The following NTM variants were observed in gnomAD, a reference collection of about 807,000 sequenced individuals.
The protein encoded by NTM is neurotrimin, also known as IgLON family member 2.
NTM carries 13 observed loss-of-function variants against 42.1 expected under a neutral mutation model. That is an observed-to-expected ratio of 0.31 (90% CI 0.20 to 0.49). The LOEUF is 0.49. NTM is among the 20% of genes least tolerant of loss of function. The pLI is 0.99. For missense variants in NTM, 373 were observed against 452.8 expected, an observed-to-expected ratio of 0.82 and a Z score of 1.60; for synonymous variants, 187 against 179.2, an observed-to-expected ratio of 1.04 and a Z score of -0.35.
intron 1 of NTM, chr11:131,582,511 C>A (rs1319413682): frequency 1.3e-5 from 2 of 151,746 alleles, no homozygotes; most frequent in Non-Finnish European, 2.9e-5. Context: ...CATTTTAAAT[C>A]CAAGACTTAC....
chr11:132,019,617 T>TA (rs1047046133), intron 2 of NTM, among the ~76,000 whole-genome samples: 13 of 151,976 alleles, frequency 8.6e-5, no homozygotes, highest in Admixed American at 6.6e-4. Flanking sequence ...TTTCTGGTAT[T>TA]AAAAAAATTT....
At position 131,703,819 on chromosome 11, in the gene NTM, G is replaced by A. The variant is rs114236490; in HGVS notation, c.83-207745G>A. 9.6e-3 allele frequency among the ~76,000 whole-genome samples: 1,458 copies of A among 152,254 alleles called. 23 individuals carry two copies. Among genetic ancestry groups the A allele is most frequent in the African/African-American group, 0.029 (1,216 of 41,538 alleles). ...GAAGAGAGCGAAGTGAGTAGCATAC[G>A]TTGCTGCAGACCCAACACCAGGACA... is the stretch of plus-strand genomic sequence containing the variant. On this transcript the variant is annotated intron_variant, in intron 1 of 8. Transcript: ENST00000683400.
At chr11:132,044,607 T>C (rs898698775) in intron 2 of NTM, among the ~76,000 whole-genome samples, 3 of 152,042 alleles carry the variant, frequency 2.0e-5, no homozygotes, top group Admixed American at 6.6e-5. Context: ...AGCTGCCCCA[T>C]TGCTATCATG....
intron 1 of NTM, among the ~76,000 whole-genome samples, chr11:131,609,203 G>A (rs1592213890): frequency 6.6e-6 from 1 of 152,322 alleles, no homozygotes; most frequent in East Asian, 1.9e-4. Context: ...CTGACTGCCA[G>A]GGTTCCTTTC....
At chr11:131,636,658 C>A (rs1369237077) in intron 1 of NTM, among the ~76,000 whole-genome samples, 1 of 152,206 alleles carries the variant, frequency 6.6e-6, no homozygotes, top group Non-Finnish European at 1.5e-5. Context: ...TGCTCCAGAG[C>A]CCACGGAAGG....
At chr11:132,134,732 T>TCTC (rs2067492269) in intron 2 of NTM, among the ~76,000 whole-genome samples, 1 of 74,448 alleles carries the variant, frequency 1.3e-5, no homozygotes. Flanking sequence ...TATATATATA[T>TCTC]ATATATATAT....
chr11:131,938,011 A>G (rs1414051266), intron 2 of NTM, among the ~76,000 whole-genome samples: 1 of 152,154 alleles, frequency 6.6e-6, no homozygotes, highest in Admixed American at 6.5e-5. Context: ...TAATTTAACT[A>G]TTACCCATCA....
intron 7 of NTM, among the ~76,000 whole-genome samples, chr11:132,325,094 C>G (rs1192046904): frequency 1.3e-5 from 2 of 152,172 alleles, no homozygotes; most frequent in Admixed American, 6.5e-5. Context: ...CATTACCATT[C>G]AGGACATAGG....
chr11:131,490,481 T>C (rs1954660544), intron 1 of NTM, among the ~76,000 whole-genome samples: 1 of 152,234 alleles, frequency 6.6e-6, no homozygotes, highest in Non-Finnish European at 1.5e-5. Context: ...TCAGCAGGGT[T>C]GACCCAATGC....
chr11:131,604,723 G>T (rs1381335419), intron 1 of NTM, among the ~76,000 whole-genome samples: 5 of 137,882 alleles, frequency 3.6e-5, no homozygotes, highest in Admixed American at 7.6e-5. Context: ...TCCTTTTTTT[G>T]GGGGGAGGGG....
intron 1 of NTM, among the ~76,000 whole-genome samples, chr11:131,623,455 C>A (rs1486552370): frequency 6.6e-6 from 1 of 152,220 alleles, no homozygotes; most frequent in East Asian, 1.9e-4. Flanking sequence ...GCCATGCTGT[C>A]CACCGAATTC....
chr11:132,000,863 A>G (rs574243291), intron 2 of NTM, among the ~76,000 whole-genome samples: 2 of 152,232 alleles, frequency 1.3e-5, no homozygotes, highest in South Asian at 4.1e-4. Flanking sequence ...ATCAGGAGGA[A>G]GTAAGGGTAA....
intron 1 of NTM, among the ~76,000 whole-genome samples, chr11:131,871,347 T>A (rs972167760): frequency 6.6e-6 from 1 of 152,212 alleles, no homozygotes; most frequent in South Asian, 2.1e-4. Context: ...TTCATATATA[T>A]TTTAACATCA....
chr11:131,566,918 C>T (rs1341054553), intron 1 of NTM, among the ~76,000 whole-genome samples: 1 of 152,056 alleles, frequency 6.6e-6, no homozygotes, highest in Non-Finnish European at 1.5e-5. Flanking sequence ...CCCGGTACTA[C>T]CTTGAACAGA....
At chr11:131,754,453 C>T (rs559524924) in intron 1 of NTM, among the ~76,000 whole-genome samples, 24 of 152,088 alleles carry the variant, frequency 1.6e-4, no homozygotes, top group African/African-American at 4.1e-4. Flanking sequence ...GGCGAAACCC[C>T]GTCTCCACTA....
At chr11:131,714,718 T>C (rs2077512132) in intron 1 of NTM, among the ~76,000 whole-genome samples, 1 of 152,180 alleles carries the variant, frequency 6.6e-6, no homozygotes, top group Non-Finnish European at 1.5e-5. Flanking sequence ...GTGTAAGTCA[T>C]GTGTCCCATC....
chr11:131,438,806 C>T (rs1192749283), intron 1 of NTM, among the ~76,000 whole-genome samples: 2 of 152,228 alleles, frequency 1.3e-5, no homozygotes, highest in African/African-American at 4.8e-5. Flanking sequence ...AGTCATTCTC[C>T]ATCCAGCTTT....
At chr11:131,600,125 T>C (rs1428847350) in intron 1 of NTM, among the ~76,000 whole-genome samples, 1 of 152,164 alleles carries the variant, frequency 6.6e-6, no homozygotes, top group Non-Finnish European at 1.5e-5. Flanking sequence ...ATAACTGGGA[T>C]GTAGCTGTGC....
intron 1 of NTM, among the ~76,000 whole-genome samples, chr11:131,688,560 C>T (rs1280397100): frequency 3.9e-5 from 6 of 152,250 alleles, no homozygotes; most frequent in Admixed American, 2.0e-4. Flanking sequence ...TGGGCAGGCT[C>T]TTCTCTGGCT....
Sources: gnomAD v4.1 joint callset for allele counts (sites outside exome capture counted in the v4.1 genomes callset) on GRCh38, gnomAD v4.1.1 for gene constraint, MANE v1.5 for transcripts, NCBI Gene and HGNC (gene_info 2026-07-23, HGNC 2026-07-21) for gene names.